The following PLS1 variants were observed in gnomAD, a reference collection of about 807,000 sequenced individuals.
PLS1 encodes plastin 1.
PLS1 carries 32 observed loss-of-function variants against 73.7 expected under a neutral mutation model. The ratio of observed to expected loss-of-function variants is 0.43; its 90% CI spans 0.33 to 0.58. The LOEUF is 0.58. PLS1 is among the 20% of genes least tolerant of loss of function. The pLI, the probability that PLS1 is intolerant of heterozygous loss-of-function variation, is 0.04. For missense variants in PLS1, 633 were observed against 740.5 expected (o/e 0.85, Z 1.68); for synonymous variants, 217 against 261.3 (o/e 0.83, Z 1.63).
At chr3:142,632,262 T>G (rs2036581875) in intron 1 of PLS1, among the ~76,000 whole-genome samples, 1 of 152,156 alleles carries the variant, frequency 6.6e-6, no homozygotes, top group African/African-American at 2.4e-5. Flanking sequence ...CAATTTGAAG[T>G]AAGTCAAAAG....
intron 1 of PLS1, among the ~76,000 whole-genome samples, chr3:142,630,938 A>AACACACACACACACAC (rs140962182): frequency 0.016 from 2,263 of 137,380 alleles, 42 homozygotes; most frequent in African/African-American, 0.027. Context: ...CATGTAAATA[A>AACACACACACACACAC]ACACACACAC....
At chr3:142,657,139 A>G (rs2037256216) in intron 1 of PLS1, 1 of 152,236 alleles carries the variant, frequency 6.6e-6, no homozygotes, top group Non-Finnish European at 1.5e-5. Context: ...TTCAGTGGCT[A>G]CCTGGGAAAC....
At chr3:142,667,144 C>T (rs190753744) in intron 2 of PLS1, among the ~76,000 whole-genome samples, 2 of 152,306 alleles carry the variant, frequency 1.3e-5, no homozygotes, top group Non-Finnish European at 1.5e-5. Flanking sequence ...TGGCCGGGTG[C>T]GGTGGCTCAC....
rs377720005 is a variant in PLS1 at position 142,702,787 on chromosome 3, G to C, written c.1372-1081G>C. ...TATATCACTGGAAAGAAGTATTGTG[G>C]TTGGGGAGGGTAAACAATTTATTAG... On this transcript the variant is annotated intron_variant, in intron 12 of 15. Coordinates refer to ENST00000457734, the MANE Select transcript of PLS1 (RefSeq NM_001145319.2). 1.1e-4 allele frequency among the ~76,000 whole-genome samples: 16 copies of C among 152,288 alleles called. No homozygotes were observed. In the East Asian group the frequency reaches 2.7e-3, roughly 26 times the overall value.
intron 8 of PLS1, among the ~76,000 whole-genome samples, chr3:142,686,026 G>A (rs1193108001): frequency 6.6e-6 from 1 of 152,184 alleles, no homozygotes; most frequent in Non-Finnish European, 1.5e-5. Flanking sequence ...TGTGTAAACA[G>A]ATGGAAAAGT....
chr3:142,606,749 T>C (rs1278613898), intron 1 of PLS1, among the ~76,000 whole-genome samples: 1 of 152,218 alleles, frequency 6.6e-6, no homozygotes, highest in Non-Finnish European at 1.5e-5. Flanking sequence ...ATGTCAAGGT[T>C]CATTCATGTT....
At chr3:142,659,015 C>G (rs1261266535) in intron 1 of PLS1, among the ~76,000 whole-genome samples, 11 of 152,176 alleles carry the variant, frequency 7.2e-5, no homozygotes, top group Non-Finnish European at 1.6e-4. Flanking sequence ...TCTCTGTAGG[C>G]CTCAAATATA....
intron 1 of PLS1, among the ~76,000 whole-genome samples, chr3:142,605,888 T>C (rs1008639680): frequency 1.3e-5 from 2 of 152,218 alleles, no homozygotes; most frequent in African/African-American, 4.8e-5. Context: ...CTGGAATGTG[T>C]AGGATAAAAG....
intron 1 of PLS1, among the ~76,000 whole-genome samples, chr3:142,652,059 A>G (rs2037107019): frequency 6.6e-6 from 1 of 152,170 alleles, no homozygotes; most frequent in Non-Finnish European, 1.5e-5. Flanking sequence ...GGGGAGTCAA[A>G]TGGGGAGGGG....
chr3:142,618,581 A>T (rs894758102), intron 1 of PLS1, among the ~76,000 whole-genome samples: 1 of 152,088 alleles, frequency 6.6e-6, no homozygotes, highest in Non-Finnish European at 1.5e-5. Context: ...GTTTCTTTTG[A>T]TGGTAGACCT....
chr3:142,639,736 C>T (rs543884786), intron 1 of PLS1, among the ~76,000 whole-genome samples: 4 of 152,198 alleles, frequency 2.6e-5, no homozygotes, highest in Admixed American at 6.6e-5. Flanking sequence ...TGATGCCCTT[C>T]GCAGTGCTTA....
At chr3:142,625,909 G>C (rs1435516358) in intron 1 of PLS1, among the ~76,000 whole-genome samples, 3 of 152,194 alleles carry the variant, frequency 2.0e-5, no homozygotes, top group Admixed American at 6.5e-5. Flanking sequence ...AGGAGTTCGA[G>C]GCAGCAGTGT....
intron 1 of PLS1, among the ~76,000 whole-genome samples, chr3:142,605,297 G>A (rs1244106486): frequency 6.6e-6 from 1 of 152,242 alleles, no homozygotes; most frequent in Admixed American, 6.5e-5. Flanking sequence ...CTTGCCTGCT[G>A]GAGGTTGCCT....
At chr3:142,706,056 A>T (rs1197366442) in intron 14 of PLS1, among the ~76,000 whole-genome samples, 1 of 152,222 alleles carries the variant, frequency 6.6e-6, no homozygotes, top group Non-Finnish European at 1.5e-5. Context: ...TGTTGAAATT[A>T]TATGCATTTG....
chr3:142,607,928 A>T (rs1235311566), intron 1 of PLS1, among the ~76,000 whole-genome samples: 1 of 151,892 alleles, frequency 6.6e-6, no homozygotes, highest in Non-Finnish European at 1.5e-5. Context: ...TTTAGTATTC[A>T]GGGCAACTTG....
At chr3:142,658,210 T>C (rs1003381506) in intron 1 of PLS1, among the ~76,000 whole-genome samples, 12 of 152,182 alleles carry the variant, frequency 7.9e-5, no homozygotes, top group African/African-American at 2.9e-4. Flanking sequence ...CATTGGCTCA[T>C]GCCTGTAATC....
At chr3:142,605,845 G>T (rs2036008367) in intron 1 of PLS1, among the ~76,000 whole-genome samples, 2 of 152,116 alleles carry the variant, frequency 1.3e-5, no homozygotes, top group African/African-American at 4.8e-5. Context: ...AAGTAGTTTT[G>T]TTTTAAAACT....
intron 14 of PLS1, among the ~76,000 whole-genome samples, chr3:142,705,870 C>G (rs1262610445): frequency 6.6e-6 from 1 of 152,142 alleles, no homozygotes; most frequent in Non-Finnish European, 1.5e-5. Context: ...CCCCCCTTTT[C>G]TATCTTGGAA....
intron 14 of PLS1, among the ~76,000 whole-genome samples, chr3:142,707,091 T>C (rs2038477651): frequency 6.6e-6 from 1 of 152,206 alleles, no homozygotes; most frequent in Non-Finnish European, 1.5e-5. Context: ...TTGGCTCTAC[T>C]TAGAACTGAG....
Sources: gnomAD v4.1 joint callset for allele counts (sites outside exome capture counted in the v4.1 genomes callset) on GRCh38, gnomAD v4.1.1 for gene constraint, MANE v1.5 for transcripts, NCBI Gene and HGNC (gene_info 2026-07-23, HGNC 2026-07-21) for gene names.